Variants in ATXN2 observed in about 807,000 individuals in gnomAD.
ATXN2 encodes the protein ataxin 2.
A neutral mutation model predicts 138.6 loss-of-function variants in ATXN2; 37 were observed. The ratio of observed to expected loss-of-function variants is 0.27; its 90% CI spans 0.21 to 0.35. The LOEUF (loss-of-function observed/expected upper bound fraction) is 0.35, where lower values mean the gene tolerates loss of function less well. Among genes scored for constraint, ATXN2 ranks in the 10% least tolerant of loss-of-function variants. ATXN2 has a pLI of 1.00. For missense variants in ATXN2, 1,216 were observed against 1,480.3 expected (o/e 0.82, Z 2.93); for synonymous variants, 549 against 543.7 (o/e 1.01, Z -0.13).
chr12:111,597,911 C>G, intron 1 of ATXN2: 1 of 1,277,358 alleles, frequency 7.8e-7, no homozygotes, highest in Non-Finnish European at 1.0e-6. Flanking sequence ...CCAGCCCTCA[C>G]CCACCGATGT....
intron 5 of ATXN2, among the ~76,000 whole-genome samples, chr12:111,537,547 C>G (rs1337081017): frequency 4.7e-5 from 7 of 149,652 alleles, no homozygotes; most frequent in Admixed American, 4.7e-4. Context: ...CATGCCACTG[C>G]GCTCCAGCCT....
At chr12:111,475,674 C>G (rs529700435) in intron 18 of ATXN2, among the ~76,000 whole-genome samples, 1 of 150,506 alleles carries the variant, frequency 6.6e-6, no homozygotes, top group Admixed American at 6.6e-5. Flanking sequence ...TTTTAAAGAT[C>G]AGTTGGTTTT....
At position 111,586,314 on chromosome 12, in the gene ATXN2, C is replaced by T. The variant is rs561564379; in HGVS notation, c.251+12470G>A. 1.5e-3 allele frequency among the ~76,000 whole-genome samples: 226 copies of T among 151,578 alleles called. 1 individual carries two copies. Among genetic ancestry groups the T allele is most frequent in the African/African-American group, 5.3e-3 (218 of 41,366 alleles). On this transcript the variant is annotated intron_variant, in intron 1 of 24. Transcript: ENST00000673436. ...TGAGCTCACTGCAACCTTCACCTCC[C>T]GGGTTCAAGCGATTCTCCTGCCTCA...
chr12:111,598,666 G>A lies in ATXN2; in HGVS notation c.251+118C>T, dbSNP rs1242684126. 6 of 888,640 alleles carry A rather than the reference G, an allele frequency of 6.8e-6. No homozygotes were observed. Among genetic ancestry groups the A allele is most frequent in the Non-Finnish European group, 8.2e-6 (6 of 736,012 alleles). 55.0% of individuals were successfully genotyped at this position (888,640 alleles called of 1,614,324 possible). A position where few individuals can be genotyped will look rare whatever the true frequency, so the allele number is the denominator to read the frequency against. ...GGCCCGAGCGAGTCTCCCCCGCGCT[G>A]CCGGCCCCCAGCCCACCCCGGGTAG... On this transcript the variant is annotated intron_variant, in intron 1 of 24. Transcript: ENST00000673436. This position sits in a 1 kb window ranked among gnomAD's most constrained non-coding sequence, Gnocchi z 4.5.
rs1592853058 is a variant in ATXN2, at chr12:111,516,284, T to G, written c.1245A>C (p.Pro415=). 6.4e-7 allele frequency: 1 copy of G among 1,573,036 alleles called. No individual in the cohort carries two copies. Among genetic ancestry groups the G allele is most frequent in the Admixed American group, 2.0e-5 (1 of 49,580 alleles). ...SRYQSGPNSL[P]PRAATPTRPP... is the part of the protein sequence containing the mutation. The stretch of plus-strand genomic sequence containing the variant: ...GCCGTGTAGGGGTGGCTGCCCGAGG[T>G]GGAAGAGAGTTGGGACCTGACTGGT... Residue 415 remains proline (P), a synonymous_variant, in exon 10 of 25, where the codon CCA becomes CCC. Transcript: ENST00000673436. The surrounding 1 kb of genome is among the most constrained non-coding windows in gnomAD (Gnocchi z 5.0).
chr12:111,554,457 T>C (rs904613473), intron 2 of ATXN2, among the ~76,000 whole-genome samples: 3 of 152,232 alleles, frequency 2.0e-5, no homozygotes, highest in African/African-American at 7.2e-5. Context: ...TATTATTTGT[T>C]GCAAAATGTT....
chr12:111,554,561 G>A (rs1040093382), intron 2 of ATXN2, among the ~76,000 whole-genome samples: 1 of 152,140 alleles, frequency 6.6e-6, no homozygotes, highest in African/African-American at 2.4e-5. Flanking sequence ...AGAAGGTCAG[G>A]TTTTCAAGTG....
Position 111,488,543 on chromosome 12 carries a change from C to A in ATXN2, c.2173G>T (p.Val725Phe), listed in dbSNP as rs766061712. ...KRGPEVTSQG[V>F]QTSSPACKQE... Reference sequence around the variant, plus strand: ...TTACATGCTGGGCTGGAAGTCTGAACCCCTTGGGAAGTGACCTCAGGTCCC... The same window carrying A: ...TTACATGCTGGGCTGGAAGTCTGAAACCCTTGGGAAGTGACCTCAGGTCCC... Residue 725 changes from valine (V) to phenylalanine (F), a missense_variant, in exon 15 of 25, where the codon GTT becomes TTT. Physicochemically the swap from Val to Phe is conservative, Grantham distance 50. Around this residue, in one of 4 missense-constraint regions of ATXN2, gnomAD observed 490 missense variants for 653.5 expected, o/e 0.75. Coordinates refer to ENST00000673436, the MANE Select transcript of ATXN2 (RefSeq NM_001372574.1). The A allele has an allele frequency of 6.2e-7, 1 of 1,614,070 alleles. No homozygotes were observed. The highest frequency in any genetic ancestry group is 8.5e-7 in the Non-Finnish European group (1 of 1,180,040).
At chr12:111,479,646 G>A (rs973995040) in intron 18 of ATXN2, among the ~76,000 whole-genome samples, 1 of 152,022 alleles carries the variant, frequency 6.6e-6, no homozygotes, top group Non-Finnish European at 1.5e-5. Context: ...TCCAACTTGC[G>A]TCCTGGGACG....
intron 1 of ATXN2, among the ~76,000 whole-genome samples, chr12:111,588,616 C>T (rs1263008527): frequency 2.0e-5 from 3 of 150,926 alleles, no homozygotes; most frequent in Non-Finnish European, 2.9e-5. Flanking sequence ...AGCGAGACTC[C>T]GTCTCGGAAA....
intron 1 of ATXN2, among the ~76,000 whole-genome samples, chr12:111,597,580 C>T (rs1016128353): frequency 5.9e-5 from 9 of 152,140 alleles, no homozygotes; most frequent in African/African-American, 2.2e-4. Flanking sequence ...GAACACTAAG[C>T]ATTTTCTTAG....
In ATXN2 at chr12:111,566,161, G is replaced by A. The variant is rs187264483; in HGVS notation, c.252-10242C>T. 7.6e-4 allele frequency among the ~76,000 whole-genome samples: 116 copies of A among 152,142 alleles called. No individual in the cohort carries two copies. In the East Asian group the frequency reaches 0.021, roughly 28 times the overall value. On this transcript the variant is annotated intron_variant, in intron 1 of 24. Coordinates refer to ENST00000673436, the MANE Select transcript of ATXN2 (RefSeq NM_001372574.1). ...TTATTTAAGAAATACGGCCGGGCGC[G>A]GTGGCTCACGCCTGTAATCTCAACA...
Position 111,588,304 on chromosome 12 carries a change from A to T in ATXN2, c.251+10480T>A, listed in dbSNP as rs376824492. Among the ~76,000 whole-genome samples, 17 of 152,308 alleles carry T rather than the reference A, an allele frequency of 1.1e-4. No individual in the cohort carries two copies. The East Asian group carries it at 3.3e-3, about 29-fold the overall frequency. The stretch of plus-strand genomic sequence containing the variant: ...ATCTATGTAAGAATCTTTAAATGTT[A>T]ATGAGAATTTCAAATTTTCACATGA... On this transcript the variant is annotated intron_variant, in intron 1 of 24. Transcript: ENST00000673436.
In ATXN2 at chr12:111,516,579, A is replaced by C. The variant is rs939078827; in HGVS notation, c.1166-216T>G. On this transcript the variant is annotated intron_variant, in intron 9 of 24. Transcript: ENST00000673436. This position sits in a 1 kb window ranked among gnomAD's most constrained non-coding sequence, Gnocchi z 5.0. The stretch of plus-strand genomic sequence containing the variant: ...CCTTAAGATTAAGTCTGTTTAAATG[A>C]ATACACGTTCCCAAAGGGTTAATTA... 1.3e-5 allele frequency among the ~76,000 whole-genome samples: 2 copies of C among 152,228 alleles called. No individual in the cohort carries two copies. Among genetic ancestry groups the C allele is most frequent in the Non-Finnish European group, 2.9e-5 (2 of 68,034 alleles).
intron 1 of ATXN2, among the ~76,000 whole-genome samples, chr12:111,589,320 C>T (rs1884526734): frequency 6.6e-6 from 1 of 150,838 alleles, no homozygotes; most frequent in Non-Finnish European, 1.5e-5. Context: ...GCAACACACA[C>T]ACACAAACAA....
chr12:111,583,900 A>G (rs1884169477), intron 1 of ATXN2, among the ~76,000 whole-genome samples: 1 of 151,988 alleles, frequency 6.6e-6, no homozygotes, highest in South Asian at 2.1e-4. Context: ...TTAATACACA[A>G]TTATACTAAA....
At chr12:111,523,239 A>G (rs1285747095) in intron 6 of ATXN2, among the ~76,000 whole-genome samples, 1 of 151,396 alleles carries the variant, frequency 6.6e-6, no homozygotes. Context: ...CAAAAAAAGA[A>G]AAAAAAAAGC....
chr12:111,459,738 C>T (rs1051597316), intron 21 of ATXN2, among the ~76,000 whole-genome samples: 4 of 147,644 alleles, frequency 2.7e-5, no homozygotes, highest in Non-Finnish European at 5.9e-5. Context: ...CTGCGCCCGG[C>T]CATGTTTGTT....
intron 1 of ATXN2, chr12:111,581,798 G>A (rs1170189710): frequency 2.0e-6 from 1 of 508,702 alleles, no homozygotes; most frequent in Admixed American, 2.8e-5. Context: ...GCATTATCTA[G>A]GCCAGGAGCT....
Sources: gnomAD v4.1 joint callset for allele counts (sites outside exome capture counted in the v4.1 genomes callset) on GRCh38, gnomAD v4.1.1 for gene constraint, gnomAD v4.1.1 regional missense constraint, Gnocchi (gnomAD v3.1) non-coding constraint, MANE v1.5 for transcripts, NCBI Gene and HGNC (gene_info 2026-07-23, HGNC 2026-07-21) for gene names.